TBC1D2B: variants seen among roughly 807,000 people sequenced by gnomAD.
TBC1D2B encodes the protein TBC1 domain family, member 2B.
In TBC1D2B, 64 loss-of-function variants were observed where a neutral mutation model predicts 100.8. The ratio of observed to expected loss-of-function variants is 0.64; its 90% confidence interval spans 0.52 to 0.78. TBC1D2B has a LOEUF of 0.78. Among genes scored for constraint, TBC1D2B ranks in the 30% least tolerant of loss-of-function variants. The probability of loss-of-function intolerance (pLI) is 0.00; values close to 1 mark genes in which losing one functional copy is unlikely to be tolerated. For synonymous variants in TBC1D2B, 480 were observed against 479.7 expected, an observed-to-expected ratio of 1.00 and a Z score of -0.01; for missense variants, 1,052 against 1,218.4, an observed-to-expected ratio of 0.86 and a Z score of 2.03.
chr15:78,045,343 A>G (rs2073173792), intron 2 of TBC1D2B, among the ~76,000 whole-genome samples: 1 of 152,166 alleles, frequency 6.6e-6, no homozygotes, highest in South Asian at 2.1e-4. Context: ...AAAGGCTAGA[A>G]TTTTCCTCCA....
chr15:78,029,953 TG>T (rs1162266921), intron 4 of TBC1D2B, 53 bp downstream of exon 4: 1 of 1,452,784 alleles, frequency 6.9e-7, no homozygotes, highest in Non-Finnish European at 9.3e-7. Context: ...ACATCACTGG[TG>T]GTTAACAGAT....
chr15:78,024,107 C>G (rs750971983), intron 6 of TBC1D2B, 49 bp downstream of exon 6: 5 of 1,555,448 alleles, frequency 3.2e-6, no homozygotes, highest in Non-Finnish European at 3.5e-6. Flanking sequence ...TCTGGGGTGA[C>G]ATCGGTGGTC....
chr15:78,012,836 G>C lies in TBC1D2B; in HGVS notation c.2257C>G (p.Gln753Glu). 1 of 1,512,974 alleles carries C rather than the reference G, an allele frequency of 6.6e-7. No individual in the cohort carries two copies. Among genetic ancestry groups the C allele is most frequent in the Non-Finnish European group, 8.8e-7 (1 of 1,131,636 alleles). 93.7% of individuals were successfully genotyped at this position (1,512,974 alleles called of 1,614,324 possible). ...CTGTGCACCCACCTGTTTAGGCCTT[G>C]ACAGTAGCCGATATCTGGATTCCGC... is the stretch of plus-strand genomic sequence containing the variant. ...SWRNPDIGYC[Q>E]GLNRLVAVAL... Residue 753 changes from glutamine (Q) to glutamate (E), a missense_variant, in exon 9 of 13, where the codon CAA becomes GAA. This residue lies in a region of TBC1D2B where 373 missense variants were observed against 464.9 expected (regional missense o/e 0.80). Transcript: ENST00000300584.
chr15:78,013,110 C>T lies in TBC1D2B; in HGVS notation c.1983G>A (p.Ala661=), dbSNP rs1180087432. ...CSPELKNLIR[A]GIPHEHRSKV... is the part of the protein sequence containing the mutation. ...TGGAACGGTGCTCGTGGGGAATGCC[C>T]GCACGGATGAGGTTTTTTAACTCTG... The change falls in exon 9 of 13, where the codon GCG becomes GCA. Residue 661 remains alanine, a synonymous_variant. Transcript: ENST00000300584. The T allele has an allele frequency of 3.7e-6, 6 of 1,613,844 alleles. No individual in the cohort carries two copies. The highest frequency in any genetic ancestry group is 3.3e-5 in the Admixed American group (2 of 59,994).
intron 1 of TBC1D2B, among the ~76,000 whole-genome samples, chr15:78,066,584 T>C (rs1012917908): frequency 2.6e-5 from 4 of 152,206 alleles, no homozygotes; most frequent in African/African-American, 7.2e-5. Context: ...GAGGAGTCTT[T>C]TCCACACAAA....
At chr15:78,029,194 C>G (rs113123181) in intron 4 of TBC1D2B, among the ~76,000 whole-genome samples, 1 of 151,728 alleles carries the variant, frequency 6.6e-6, no homozygotes, top group Non-Finnish European at 1.5e-5. Context: ...GTAGCTGGGA[C>G]TACAGGCGCC....
intron 2 of TBC1D2B, among the ~76,000 whole-genome samples, chr15:78,053,534 T>C (rs1031435304): frequency 6.6e-6 from 1 of 152,186 alleles, no homozygotes; most frequent in Admixed American, 6.5e-5. Context: ...TGGCCAGGGA[T>C]TACCCTGAGT....
chr15:78,003,225 C>A, intron 11 of TBC1D2B, 80 bp downstream of exon 11: 1 of 1,351,096 alleles, frequency 7.4e-7, no homozygotes, highest in Non-Finnish European at 1.0e-6. Context: ...TCCAGGTGAG[C>A]CAGCCGCTCT....
At position 77,997,648 on chromosome 15, in the gene TBC1D2B, T is replaced by C. The variant is rs2071798547; in HGVS notation, c.*512A>G. The stretch of plus-strand genomic sequence containing the variant: ...AGTGGCCATTTCTGAACAAGGGATG[T>C]GCCTGCTTTTCTAAGGCAGCCCCTT... On this transcript the variant is annotated 3_prime_UTR_variant, in exon 13 of 13. Transcript: ENST00000300584. 6.6e-6 allele frequency: 1 copy of C among 152,444 alleles called. No homozygotes were observed. The highest frequency in any genetic ancestry group is 1.5e-5 in the Non-Finnish European group (1 of 68,170). 9.4% of individuals were successfully genotyped at this position (152,444 alleles called of 1,614,324 possible). A position where few individuals can be genotyped will look rare whatever the true frequency, so the allele number is the denominator to read the frequency against.
intron 7 of TBC1D2B, chr15:78,017,271 G>C (rs1168489832): frequency 1.3e-5 from 2 of 153,698 alleles, no homozygotes; most frequent in Admixed American, 6.5e-5. Context: ...AGTATCATTT[G>C]ATTACAGCTC....
chr15:78,045,867 T>C (rs1005302965), intron 2 of TBC1D2B, among the ~76,000 whole-genome samples: 1 of 152,224 alleles, frequency 6.6e-6, no homozygotes, highest in Admixed American at 6.5e-5. Flanking sequence ...ATTCTTCGTA[T>C]ATGTTTAAAA....
intron 2 of TBC1D2B, among the ~76,000 whole-genome samples, chr15:78,046,663 G>C (rs2073202073): frequency 6.6e-6 from 1 of 151,962 alleles, no homozygotes; most frequent in Non-Finnish European, 1.5e-5. Context: ...TGTAGAGACA[G>C]GGTTTGCCAT....
intron 9 of TBC1D2B, among the ~76,000 whole-genome samples, chr15:78,010,439 T>C (rs545326489): frequency 6.6e-6 from 1 of 152,000 alleles, no homozygotes; most frequent in East Asian, 1.9e-4. Flanking sequence ...CATGGGAAAA[T>C]CCCTGAAGCC....
At chr15:78,025,521 T>TTTA (rs201063233) in intron 4 of TBC1D2B, 24 bp from the exon 5 acceptor site, 33,011 of 1,439,470 alleles carry the variant, frequency 0.023, 445 homozygotes, top group African/African-American at 0.056. Context: ...AAACTTGTAT[T>TTTA]TTATTATTAT....
At chr15:78,055,336 G>C (rs11852768) in intron 1 of TBC1D2B, among the ~76,000 whole-genome samples, 74,006 of 151,644 alleles carry the variant, frequency 0.49, 18,981 homozygotes, top group East Asian at 0.63. Context: ...CCAAGATGGG[G>C]GAGAGGACCC....
At chr15:78,058,184 A>G (rs1180483700) in intron 1 of TBC1D2B, among the ~76,000 whole-genome samples, 1 of 152,240 alleles carries the variant, frequency 6.6e-6, no homozygotes, top group African/African-American at 2.4e-5. Flanking sequence ...CTCACATCTT[A>G]TCTTTACTGA....
intron 3 of TBC1D2B, among the ~76,000 whole-genome samples, chr15:78,038,743 T>C (rs1192901893): frequency 6.6e-6 from 1 of 152,086 alleles, no homozygotes; most frequent in Non-Finnish European, 1.5e-5. Flanking sequence ...GGACAAGACA[T>C]TAAAGTTCTC....
intron 3 of TBC1D2B, among the ~76,000 whole-genome samples, chr15:78,041,539 C>T (rs947468495): frequency 6.6e-6 from 1 of 152,132 alleles, no homozygotes; most frequent in East Asian, 1.9e-4. Context: ...TCTTTTAAGC[C>T]TTGACCATAA....
chr15:78,044,895 C>T lies in TBC1D2B; in HGVS notation c.683+5G>A, dbSNP rs374901396. 6.3e-7 allele frequency: 1 copy of T among 1,595,006 alleles called. No individual in the cohort carries two copies. The highest frequency in any genetic ancestry group is 8.6e-7 in the Non-Finnish European group (1 of 1,168,458). On this transcript the variant is annotated splice_donor_5th_base_variant and intron_variant, in intron 3 of 12. Transcript: ENST00000300584. The stretch of plus-strand genomic sequence containing the variant: ...AATTTCATATGCTGCTTTCTAAAGA[C>T]TCACTTGAGCTCATTGCCCCACTGT...
Sources: gnomAD v4.1 joint callset for allele counts (sites outside exome capture counted in the v4.1 genomes callset) on GRCh38, gnomAD v4.1.1 for gene constraint, gnomAD v4.1.1 regional missense constraint, MANE v1.5 for transcripts, NCBI Gene and HGNC (gene_info 2026-07-23, HGNC 2026-07-21) for gene names.